The following CAPZA1 variants were observed in gnomAD, a reference collection of about 807,000 sequenced individuals.
CAPZA1 encodes F-actin-capping protein subunit alpha-1.
A neutral mutation model predicts 40.8 loss-of-function variants in CAPZA1; 10 were observed. That is an observed-to-expected ratio of 0.25 (90% CI 0.15 to 0.42). The LOEUF (loss-of-function observed/expected upper bound fraction) is 0.42. Ranked by LOEUF, CAPZA1 falls within the 10% of genes least tolerant of loss-of-function variation. CAPZA1 has a pLI of 1.00. For synonymous variants in CAPZA1, 98 were observed against 115.0 expected (o/e 0.85, Z 0.95); for missense variants, 277 against 353.8 (o/e 0.78, Z 1.74).
intron 1 of CAPZA1, among the ~76,000 whole-genome samples, chr1:112,627,780 G>A (rs1186356726): frequency 4.6e-5 from 7 of 151,808 alleles, no homozygotes; most frequent in Non-Finnish European, 1.0e-4. Flanking sequence ...GACCAACATG[G>A]AGAAACCCCG....
chr1:112,656,629 C>T (rs1044446463), intron 5 of CAPZA1, among the ~76,000 whole-genome samples: 3 of 151,662 alleles, frequency 2.0e-5, no homozygotes, highest in African/African-American at 7.3e-5. Context: ...TTTGTCACTA[C>T]CCATTCTTAA....
At chr1:112,656,839 T>C (rs559084096) in intron 5 of CAPZA1, among the ~76,000 whole-genome samples, 1 of 152,232 alleles carries the variant, frequency 6.6e-6, no homozygotes, top group East Asian at 1.9e-4. Context: ...TCCAAACATT[T>C]TTCATTGTCC....
intron 7 of CAPZA1, among the ~76,000 whole-genome samples, chr1:112,662,010 T>C (rs1671621748): frequency 6.6e-6 from 1 of 152,276 alleles, no homozygotes; most frequent in Non-Finnish European, 1.5e-5. Flanking sequence ...TGAGGATTTA[T>C]GTTGATGACA....
In CAPZA1 at chr1:112,669,562, A is replaced by G. The variant is rs147970114; in HGVS notation, c.677A>G (p.Lys226Arg). ...LTVSNEAQTA[K>R]EFIKIIENAE... ...CATTAGAATGAAGCCCAAACTGCCA[A>G]GGAGTTTATTAAAATCATAGAGAAT... Residue 226 changes from lysine to arginine, a missense_variant, in exon 9 of 10, where the codon AAG becomes AGG. Coordinates refer to ENST00000263168, the MANE Select transcript of CAPZA1 (RefSeq NM_006135.3). 643 of 1,611,366 alleles carry G rather than the reference A, an allele frequency of 4.0e-4. 1 individual carries two copies. The highest frequency in any genetic ancestry group is 5.2e-4 in the Non-Finnish European group (618 of 1,178,000).
chr1:112,644,647 A>G (rs1178268993), intron 1 of CAPZA1, among the ~76,000 whole-genome samples: 1 of 152,120 alleles, frequency 6.6e-6, no homozygotes, highest in Non-Finnish European at 1.5e-5. Flanking sequence ...TAGATATACC[A>G]TGTTCTTCTT....
intron 5 of CAPZA1, among the ~76,000 whole-genome samples, chr1:112,658,628 T>C (rs1671542190): frequency 6.6e-6 from 1 of 152,186 alleles, no homozygotes; most frequent in Admixed American, 6.5e-5. Flanking sequence ...AAATCTACCA[T>C]CCTGTTTTGT....
At chr1:112,643,456 C>A (rs527416620) in intron 1 of CAPZA1, among the ~76,000 whole-genome samples, 2 of 152,252 alleles carry the variant, frequency 1.3e-5, no homozygotes, top group East Asian at 3.9e-4. Context: ...ATTTTTGTGG[C>A]GTGAATTCCT....
At chr1:112,645,615 C>T (rs1019229476) in intron 1 of CAPZA1, among the ~76,000 whole-genome samples, 1 of 151,836 alleles carries the variant, frequency 6.6e-6, no homozygotes, top group Admixed American at 6.6e-5. Flanking sequence ...GCCTGAGCAA[C>T]CAAGTGAGAC....
chr1:112,636,966 C>A (rs1570706323), intron 1 of CAPZA1, among the ~76,000 whole-genome samples: 2 of 152,192 alleles, frequency 1.3e-5, no homozygotes, highest in African/African-American at 4.8e-5. Context: ...AACTTTGTAA[C>A]AACTGCATCT....
intron 1 of CAPZA1, among the ~76,000 whole-genome samples, chr1:112,624,009 A>AT (rs1670744510): frequency 6.8e-6 from 1 of 147,180 alleles, no homozygotes; most frequent in Non-Finnish European, 1.5e-5. Context: ...CCATCTCAAA[A>AT]AAAAAAAAAA....
intron 1 of CAPZA1, among the ~76,000 whole-genome samples, chr1:112,634,556 A>G (rs1443384536): frequency 2.6e-5 from 4 of 152,172 alleles, no homozygotes; most frequent in Non-Finnish European, 5.9e-5. Context: ...GGGTTTGCTC[A>G]GTTTATAATT....
chr1:112,661,514 C>T (rs935521568), intron 7 of CAPZA1, among the ~76,000 whole-genome samples: 4 of 152,212 alleles, frequency 2.6e-5, no homozygotes, highest in African/African-American at 9.7e-5. Context: ...TTTCTCTAAT[C>T]TTTGTCTTGG....
chr1:112,652,968 A>G (rs541113191), intron 3 of CAPZA1, among the ~76,000 whole-genome samples: 1 of 152,330 alleles, frequency 6.6e-6, no homozygotes, highest in South Asian at 2.1e-4. Context: ...CTACTTTTAT[A>G]CTTGACTCAT....
intron 1 of CAPZA1, among the ~76,000 whole-genome samples, chr1:112,643,394 C>A (rs1671215481): frequency 6.6e-6 from 1 of 152,150 alleles, no homozygotes; most frequent in African/African-American, 2.4e-5. Flanking sequence ...TGTAATTACC[C>A]TGTCAAGGCA....
intron 3 of CAPZA1, 154 bp downstream of exon 3, chr1:112,649,623 CAT>C: frequency 1.6e-6 from 1 of 643,228 alleles, no homozygotes; most frequent in Non-Finnish European, 2.7e-6. Context: ...TTGGAGAAAA[CAT>C]GTTCCCCCAA....
chr1:112,634,604 A>G (rs1670981085), intron 1 of CAPZA1: 1 of 152,170 alleles, frequency 6.6e-6, no homozygotes, highest in Non-Finnish European at 1.5e-5. Flanking sequence ...AGTTAAGATA[A>G]CAGTAGCTGA....
intron 7 of CAPZA1, among the ~76,000 whole-genome samples, chr1:112,662,677 C>T (rs1394150717): frequency 6.6e-6 from 1 of 152,098 alleles, no homozygotes; most frequent in East Asian, 1.9e-4. Flanking sequence ...GGATTACAGG[C>T]GTGAGCCACT....
chr1:112,653,746 T>G (rs1264188810), intron 4 of CAPZA1, 85 bp downstream of exon 4: 4 of 900,520 alleles, frequency 4.4e-6, no homozygotes, highest in Non-Finnish European at 7.1e-6. Context: ...CTGAACCAGG[T>G]GCTGAATAAA....
At chr1:112,638,881 C>A (rs1671072893) in intron 1 of CAPZA1, among the ~76,000 whole-genome samples, 2 of 131,454 alleles carry the variant, frequency 1.5e-5, no homozygotes, top group Admixed American at 7.4e-5. Context: ...CCGGCCTGGG[C>A]AACAGAGCGA....
Sources: gnomAD v4.1 joint callset for allele counts (sites outside exome capture counted in the v4.1 genomes callset) on GRCh38, gnomAD v4.1.1 for gene constraint, MANE v1.5 for transcripts, NCBI Gene and HGNC (gene_info 2026-07-23, HGNC 2026-07-21) for gene names.